Variants in DLGAP2 observed in about 807,000 individuals in gnomAD.
The protein encoded by DLGAP2 is disks large-associated protein 2.
In DLGAP2, 26 loss-of-function variants were observed where a neutral mutation model predicts 100.3. That is an observed-to-expected ratio of 0.26 (90% CI 0.19 to 0.36). The LOEUF (loss-of-function observed/expected upper bound fraction) is 0.36, where lower values mean the gene tolerates loss of function less well. Ranked by LOEUF, DLGAP2 falls within the 10% of genes least tolerant of loss-of-function variation. The pLI is 1.00. For synonymous variants in DLGAP2, 886 were observed against 630.1 expected (o/e 1.41, Z -6.08); for missense variants, 1,858 against 1,453.2 (o/e 1.28, Z -4.53).
At chr8:1,110,465 A>G (rs1453516241) in intron 2 of DLGAP2, among the ~76,000 whole-genome samples, 2 of 148,110 alleles carry the variant, frequency 1.4e-5, no homozygotes, top group East Asian at 4.2e-4. Context: ...TGGGGTGTGC[A>G]TGGGTCTGTG....
intron 4 of DLGAP2, among the ~76,000 whole-genome samples, chr8:1,525,589 T>TC: frequency 6.6e-6 from 1 of 152,332 alleles, no homozygotes; most frequent in South Asian, 2.1e-4. Context: ...TTTAGTGAAT[T>TC]CCCAGATCCA....
intron 2 of DLGAP2, among the ~76,000 whole-genome samples, chr8:1,237,171 T>C (rs1798678154): frequency 7.2e-6 from 1 of 138,658 alleles, no homozygotes. Flanking sequence ...TGTCTAGTTC[T>C]CTCACATGGC....
chr8:1,112,236 C>A (rs1381717448), intron 2 of DLGAP2, among the ~76,000 whole-genome samples: 7 of 69,612 alleles, frequency 1.0e-4, no homozygotes, highest in Non-Finnish European at 1.8e-4. Context: ...GTCCTTTGCC[C>A]ATTTTTTTTT....
At chr8:1,407,496 A>T (rs1796598105) in intron 3 of DLGAP2, among the ~76,000 whole-genome samples, 1 of 146,268 alleles carries the variant, frequency 6.8e-6, no homozygotes, top group Non-Finnish European at 1.5e-5. Flanking sequence ...TTGAGTGCTT[A>T]CTGAGCGCCA....
At chr8:875,194 A>T (rs774708047) in intron 1 of DLGAP2, among the ~76,000 whole-genome samples, 92 of 152,190 alleles carry the variant, frequency 6.0e-4, no homozygotes, top group Non-Finnish European at 1.1e-3. Context: ...TTAAAAATTA[A>T]GTCTGACAAC....
intron 2 of DLGAP2, among the ~76,000 whole-genome samples, chr8:1,187,327 C>T (rs1277934710): frequency 6.7e-6 from 1 of 150,300 alleles, no homozygotes; most frequent in Non-Finnish European, 1.5e-5. Context: ...ATTTCCCTCA[C>T]ACGCCCAGGA....
chr8:1,189,988 A>G (rs1797598381), intron 2 of DLGAP2, among the ~76,000 whole-genome samples: 1 of 152,182 alleles, frequency 6.6e-6, no homozygotes, highest in Admixed American at 6.5e-5. Context: ...TAACACCATT[A>G]AAAGGAGAAC....
chr8:1,620,177 C>T (rs1797282190), intron 6 of DLGAP2, among the ~76,000 whole-genome samples: 1 of 152,204 alleles, frequency 6.6e-6, no homozygotes, highest in South Asian at 2.1e-4. Flanking sequence ...TTTCTGCACC[C>T]ATATCCACTG....
intron 3 of DLGAP2, among the ~76,000 whole-genome samples, chr8:1,409,005 C>G (rs1044887221): frequency 2.6e-5 from 4 of 152,344 alleles, no homozygotes; most frequent in African/African-American, 9.6e-5. Context: ...ATAAATCCAC[C>G]TATGAAAAAG....
chr8:791,921 C>T (rs1018711425), intron 1 of DLGAP2, among the ~76,000 whole-genome samples: 1 of 152,204 alleles, frequency 6.6e-6, no homozygotes, highest in East Asian at 1.9e-4. Flanking sequence ...TAACCCCTAA[C>T]GACGTCGCAT....
chr8:1,202,143 T>C (rs1350639654), intron 2 of DLGAP2, among the ~76,000 whole-genome samples: 2 of 146,520 alleles, frequency 1.4e-5, no homozygotes, highest in East Asian at 1.9e-4. Context: ...TGTGTGTGTA[T>C]ACACATGTGG....
intron 2 of DLGAP2, among the ~76,000 whole-genome samples, chr8:946,352 C>G (rs1799321101): frequency 6.6e-6 from 1 of 151,872 alleles, no homozygotes; most frequent in Admixed American, 6.5e-5. Flanking sequence ...CAAGCTCCGC[C>G]TCCCGGGTTC....
intron 1 of DLGAP2, among the ~76,000 whole-genome samples, chr8:798,373 G>A (rs7014321): frequency 0.1 from 15,279 of 145,562 alleles, 728 homozygotes; most frequent in Non-Finnish European, 0.13. Context: ...CCCGTGCCCC[G>A]GTGCTGGCCA....
At chr8:1,530,158 C>T (rs1800939590) in intron 4 of DLGAP2, among the ~76,000 whole-genome samples, 1 of 152,146 alleles carries the variant, frequency 6.6e-6, no homozygotes, top group African/African-American at 2.4e-5. Context: ...TCCTAATAAG[C>T]CTGGGAGCAC....
chr8:1,428,923 G>A (rs530323553), intron 3 of DLGAP2, among the ~76,000 whole-genome samples: 3 of 152,332 alleles, frequency 2.0e-5, no homozygotes, highest in East Asian at 3.9e-4. Flanking sequence ...TATCTAGGGT[G>A]AGCCATCCTT....
At chr8:1,159,291 A>C (rs1796847282) in intron 2 of DLGAP2, among the ~76,000 whole-genome samples, 1 of 152,232 alleles carries the variant, frequency 6.6e-6, no homozygotes, top group Admixed American at 6.5e-5. Flanking sequence ...CCTGTTGTTT[A>C]ATCCTTTAAG....
chr8:1,466,455 A>C (rs887770960), intron 3 of DLGAP2, among the ~76,000 whole-genome samples: 7 of 151,836 alleles, frequency 4.6e-5, no homozygotes, highest in African/African-American at 1.7e-4. Context: ...ACGGTGGCTC[A>C]AAAGGGAATT....
chr8:1,407,944 G>A (rs1039201322), intron 3 of DLGAP2, among the ~76,000 whole-genome samples: 3 of 152,196 alleles, frequency 2.0e-5, no homozygotes, highest in Admixed American at 1.3e-4. Flanking sequence ...AGGGCTTCCA[G>A]CATTTCCTTG....
At chr8:1,253,195 TG>T (rs1445332816) in intron 2 of DLGAP2, among the ~76,000 whole-genome samples, 2 of 152,218 alleles carry the variant, frequency 1.3e-5, no homozygotes, top group African/African-American at 4.8e-5. Context: ...ACGCTGAGCT[TG>T]GCTTCGTCCT....
Sources: gnomAD v4.1 joint callset for allele counts (sites outside exome capture counted in the v4.1 genomes callset) on GRCh38, gnomAD v4.1.1 for gene constraint, MANE v1.5 for transcripts, NCBI Gene and HGNC (gene_info 2026-07-23, HGNC 2026-07-21) for gene names.